The following MACF1 variants were observed in gnomAD, a reference collection of about 807,000 sequenced individuals.
MACF1 encodes microtubule actin crosslinking factor 1.
MACF1 carries 193 observed loss-of-function variants against 854.8 expected under a neutral mutation model. The observed-to-expected ratio is 0.23, with a 90% CI of 0.20 to 0.25. The LOEUF (loss-of-function observed/expected upper bound fraction) is 0.25. MACF1 is among the 10% of genes least tolerant of loss of function. The pLI is 1.00. For missense variants in MACF1, 7,722 were observed against 8,929.1 expected, an observed-to-expected ratio of 0.86 and a Z score of 5.45; for synonymous variants, 3,185 against 3,226.7, an observed-to-expected ratio of 0.99 and a Z score of 0.44.
At chr1:39,154,573 A>G (rs773227391) in intron 2 of MACF1, among the ~76,000 whole-genome samples, 11 of 152,106 alleles carry the variant, frequency 7.2e-5, no homozygotes, top group Non-Finnish European at 1.6e-4. Context: ...TGGGGGAACT[A>G]TGGGAACTCT....
Position 39,481,021 on chromosome 1 carries a change from C to T in MACF1, c.22272C>T (p.Pro7424=). 6.5e-7 allele frequency: 1 copy of T among 1,549,130 alleles called. No homozygotes were observed. The highest frequency in any genetic ancestry group is 1.2e-5 in the South Asian group (1 of 84,004). The part of the protein sequence containing the change: ...RDSHSPDLQL[P]TPEVIPSSGS... Reference sequence around the variant, plus strand: ...GCCATTCTCCTGACCTCCAGCTGCCCACCCCCGAGGTAGAGTATGGCTTTG... The same window carrying T: ...GCCATTCTCCTGACCTCCAGCTGCCTACCCCCGAGGTAGAGTATGGCTTTG... Residue 7424 remains proline (P), a synonymous_variant, in exon 99 of 101, where the codon CCC becomes CCT. Transcript: ENST00000564288.
intron 58 of MACF1, among the ~76,000 whole-genome samples, chr1:39,407,674 C>T (rs1642764864): frequency 6.6e-6 from 1 of 152,168 alleles, no homozygotes. Flanking sequence ...CTCATTTTTG[C>T]CAAGGACCAG....
intron 2 of MACF1, among the ~76,000 whole-genome samples, chr1:39,100,435 G>C (rs1642041232): frequency 6.6e-6 from 1 of 152,256 alleles, no homozygotes; most frequent in East Asian, 1.9e-4. Flanking sequence ...GGAATTCCAG[G>C]CTTAGATAAG....
At chr1:39,483,470 T>C (rs1301710684) in intron 99 of MACF1, among the ~76,000 whole-genome samples, 1 of 152,124 alleles carries the variant, frequency 6.6e-6, no homozygotes, top group African/African-American at 2.4e-5. Flanking sequence ...GTGGTGATTG[T>C]GCAACAACAG....
chr1:39,202,261 C>T (rs960260642), upstream of MACF1, among the ~76,000 whole-genome samples: 2 of 150,730 alleles, frequency 1.3e-5, no homozygotes, highest in South Asian at 2.1e-4. Flanking sequence ...CCACCACGCC[C>T]GGCCTCATAT....
intron 58 of MACF1, among the ~76,000 whole-genome samples, chr1:39,393,800 C>A: frequency 8.2e-6 from 1 of 121,882 alleles, no homozygotes; most frequent in Non-Finnish European, 1.6e-5. Context: ...GAGTGAGACC[C>A]TGTCTCAAAA....
intron 3 of MACF1, 147 bp from the exon 4 acceptor site, chr1:39,251,699 T>G: frequency 2.3e-6 from 1 of 431,098 alleles, no homozygotes; most frequent in African/African-American, 2.0e-5. Context: ...CTGGTTTTGA[T>G]TTAGTTTTGT....
intron 2 of MACF1, among the ~76,000 whole-genome samples, chr1:39,176,673 CAGGTTTTTAGATCAAT>C (rs57812750): frequency 7.0e-4 from 107 of 152,246 alleles, no homozygotes; most frequent in African/African-American, 2.2e-3. Context: ...GTTTAATAGT[CAGGTTTTTAGATCAAT>C]AGGTTTTTAG....
chr1:39,432,099 T>A (rs1269060055), intron 66 of MACF1, among the ~76,000 whole-genome samples: 1 of 152,214 alleles, frequency 6.6e-6, no homozygotes, highest in Non-Finnish European at 1.5e-5. Flanking sequence ...TGGGGTCTTA[T>A]GCTGCTTCAG....
At chr1:39,422,226 A>T in intron 58 of MACF1, 148 bp from the exon 59 acceptor site, 1 of 577,140 alleles carries the variant, frequency 1.7e-6, no homozygotes, top group Non-Finnish European at 3.0e-6. Flanking sequence ...TGTTTTCTTG[A>T]TGCTTCACGT....
At chr1:39,262,322 A>G (rs1302304762) in intron 6 of MACF1, among the ~76,000 whole-genome samples, 1 of 135,688 alleles carries the variant, frequency 7.4e-6, no homozygotes, top group African/African-American at 2.8e-5. Flanking sequence ...AATCACTTGA[A>G]CCCGGGAGGT....
At position 39,388,460 on chromosome 1, in the gene MACF1, C is replaced by G. The variant is rs745510164; in HGVS notation, c.15618C>G (p.Asn5206Lys). The G allele has an allele frequency of 6.2e-6, 10 of 1,614,136 alleles. No individual in the cohort carries two copies. In the South Asian group the frequency reaches 8.8e-5, roughly 14 times the overall value. The change falls in exon 58 of 101, where the codon AAC becomes AAG. Residue 5206 changes from asparagine to lysine, a missense_variant. Around this residue, in one of 15 missense-constraint regions of MACF1, gnomAD observed 2,807 missense variants for 3,235.8 expected, o/e 0.87. Transcript: ENST00000564288. ...TCAAAAGGGAGCTAGAAGCCCTGAA[C>G]AAACAGTGTGGCAAACTGACAGAGA... ...LGLKRELEAL[N>K]KQCGKLTERG...
chr1:39,172,378 A>G (rs540581151), intron 2 of MACF1, among the ~76,000 whole-genome samples: 2 of 152,322 alleles, frequency 1.3e-5, no homozygotes, highest in South Asian at 4.1e-4. Flanking sequence ...AGAGCCTACT[A>G]TATGCCAGAC....
At chr1:39,397,103 C>G (rs1642303914) in intron 58 of MACF1, among the ~76,000 whole-genome samples, 5 of 152,132 alleles carry the variant, frequency 3.3e-5, no homozygotes, top group Admixed American at 3.3e-4. Flanking sequence ...TCCTTTTAAC[C>G]CATCCTTACT....
At chr1:39,368,443 A>G (rs1648923830) in intron 50 of MACF1, 129 bp downstream of exon 50, 2 of 914,834 alleles carry the variant, frequency 2.2e-6, no homozygotes, top group South Asian at 4.1e-5. Flanking sequence ...GAGTTGTAGG[A>G]GGGTGAAAAG....
At position 39,451,048 on chromosome 1, in the gene MACF1, T is replaced by A; in HGVS notation, c.20259-4T>A. On this transcript the variant is annotated splice_region_variant and splice_polypyrimidine_tract_variant and intron_variant, in intron 84 of 100. Transcript: ENST00000564288. ...AAATGGTAGCGTTTGTGTGCATTTC[T>A]CAGGCAGCACAAGTTGGAGGAAGCC... 2 of 1,611,540 alleles carry A rather than the reference T, an allele frequency of 1.2e-6. No individual in the cohort carries two copies. Among genetic ancestry groups the A allele is most frequent in the Non-Finnish European group, 1.7e-6 (2 of 1,179,138 alleles).
rs147370192 is a variant in MACF1, at chr1:39,163,562, G to C, written c.221-67620G>C. ...GTTCCAGGTATTTTGAACAGCAACA[G>C]TATTGTTGAATAAGTGGAAAAAGTG... On this transcript the variant is annotated intron_variant, in intron 2 of 93. Transcript: ENST00000361689. Among the ~76,000 whole-genome samples the C allele has an allele frequency of 3.3e-5, 5 of 152,228 alleles. No individual in the cohort carries two copies. In the East Asian group the frequency reaches 7.7e-4, roughly 24 times the overall value.
At chr1:39,266,339 T>G (rs1182483454) in intron 6 of MACF1, among the ~76,000 whole-genome samples, 1 of 152,238 alleles carries the variant, frequency 6.6e-6, no homozygotes, top group Non-Finnish European at 1.5e-5. Context: ...CATATTGTAA[T>G]GTCAGATTCT....
chr1:39,100,889 TAAAC>T (rs1642054067), intron 2 of MACF1, among the ~76,000 whole-genome samples: 1 of 151,426 alleles, frequency 6.6e-6, no homozygotes, highest in Non-Finnish European at 1.5e-5. Flanking sequence ...TTAAATAAAG[TAAAC>T]AAATATACAA....
Sources: allele counts gnomAD v4.1 joint callset (sites outside exome capture counted in the v4.1 genomes callset), GRCh38; gene constraint gnomAD v4.1.1; regional missense constraint gnomAD v4.1.1; transcripts MANE v1.5; gene names NCBI Gene and HGNC (gene_info 2026-07-23, HGNC 2026-07-21).